Variants in IQCM observed in about 807,000 individuals in gnomAD.
IQCM encodes IQ motif containing M.
IQCM carries 45 observed loss-of-function variants against 57.6 expected under a neutral mutation model. That is an observed-to-expected ratio of 0.78 (90% CI 0.62 to 1.00). The LOEUF (loss-of-function observed/expected upper bound fraction) is 1.00. IQCM is among the 50% of genes least tolerant of loss of function. IQCM has a pLI of 0.00. For missense variants in IQCM, 468 were observed against 511.6 expected, an observed-to-expected ratio of 0.91 and a Z score of 0.82; for synonymous variants, 148 against 158.9, an observed-to-expected ratio of 0.93 and a Z score of 0.51.
chr4:149,591,033 A>G (rs1471436741), intron 8 of IQCM, among the ~76,000 whole-genome samples: 2 of 152,090 alleles, frequency 1.3e-5, no homozygotes, highest in African/African-American at 4.8e-5. Flanking sequence ...TAAGTCATTT[A>G]TTAAACTCCC....
intron 13 of IQCM, among the ~76,000 whole-genome samples, chr4:149,357,606 T>C (rs1299504674): frequency 1.3e-5 from 2 of 152,208 alleles, no homozygotes; most frequent in Admixed American, 6.5e-5. Flanking sequence ...CACTTGGTTA[T>C]GGTGGATAAG....
intron 2 of IQCM, among the ~76,000 whole-genome samples, chr4:149,767,045 G>C (rs1190476688): frequency 1.3e-5 from 2 of 151,766 alleles, no homozygotes; most frequent in Admixed American, 1.3e-4. Flanking sequence ...TGTTTAAAAG[G>C]ATCATATTTT....
chr4:149,682,614 G>A (rs768774728), intron 6 of IQCM, among the ~76,000 whole-genome samples: 14 of 111,214 alleles, frequency 1.3e-4, no homozygotes, highest in Admixed American at 1.2e-3. Context: ...TTTGGAAAAT[G>A]TGAGTAAGAA....
At chr4:149,462,010 CT>C (rs1166695656) in intron 12 of IQCM, among the ~76,000 whole-genome samples, 2 of 152,016 alleles carry the variant, frequency 1.3e-5, no homozygotes, top group East Asian at 3.9e-4. Flanking sequence ...AAATCAGGTG[CT>C]TTTACAGGCT....
At chr4:149,644,694 A>T (rs1758491783) in intron 7 of IQCM, among the ~76,000 whole-genome samples, 1 of 152,196 alleles carries the variant, frequency 6.6e-6, no homozygotes, top group South Asian at 2.1e-4. Flanking sequence ...GGGCTGTGTT[A>T]GTGTGGTCCA....
At chr4:149,487,953 C>T (rs1293613344) in intron 12 of IQCM, among the ~76,000 whole-genome samples, 1 of 151,996 alleles carries the variant, frequency 6.6e-6, no homozygotes. Flanking sequence ...TTTCTGTATG[C>T]AGATACTTGT....
chr4:149,359,504 A>G (rs971761018), intron 13 of IQCM, among the ~76,000 whole-genome samples: 6 of 152,198 alleles, frequency 3.9e-5, no homozygotes, highest in Non-Finnish European at 8.8e-5. Context: ...TTTTTATTGT[A>G]GATAATTAGG....
chr4:149,477,006 C>T (rs1254722491), intron 12 of IQCM, among the ~76,000 whole-genome samples: 1 of 152,174 alleles, frequency 6.6e-6, no homozygotes, highest in Non-Finnish European at 1.5e-5. Flanking sequence ...GGGAAGGCAT[C>T]TGGCTACATA....
intron 5 of IQCM, among the ~76,000 whole-genome samples, chr4:149,690,206 A>G (rs1291787429): frequency 1.3e-5 from 2 of 152,150 alleles, no homozygotes; most frequent in African/African-American, 4.8e-5. Context: ...TGGTGTATGC[A>G]TGTATATACA....
intron 12 of IQCM, among the ~76,000 whole-genome samples, chr4:149,491,198 T>G (rs945817730): frequency 2.0e-5 from 3 of 152,072 alleles, no homozygotes; most frequent in Admixed American, 6.6e-5. Flanking sequence ...GTACATATTG[T>G]GTATGTGTTG....
At chr4:149,646,494 C>A (rs1758648465) in intron 7 of IQCM, among the ~76,000 whole-genome samples, 1 of 151,794 alleles carries the variant, frequency 6.6e-6, no homozygotes, top group East Asian at 1.9e-4. Context: ...TATAATATCA[C>A]CTTTTACATT....
chr4:149,359,014 C>T (rs923780798), intron 13 of IQCM, among the ~76,000 whole-genome samples: 27 of 146,366 alleles, frequency 1.8e-4, no homozygotes, highest in African/African-American at 7.2e-4. Context: ...ATGAAAAAAC[C>T]TAAAGAAGGG....
chr4:149,498,254 GT>G (rs1742874309), intron 12 of IQCM, among the ~76,000 whole-genome samples: 1 of 152,102 alleles, frequency 6.6e-6, no homozygotes, highest in East Asian at 1.9e-4. Flanking sequence ...GCAAAAATGG[GT>G]AAGGTTGCAA....
At chr4:149,616,730 G>A (rs1755822962) in intron 8 of IQCM, among the ~76,000 whole-genome samples, 1 of 152,030 alleles carries the variant, frequency 6.6e-6, no homozygotes, top group Non-Finnish European at 1.5e-5. Context: ...GGCATGTTGG[G>A]CGGCAGCGGG....
intron 12 of IQCM, among the ~76,000 whole-genome samples, chr4:149,463,204 G>A (rs1391476962): frequency 3.3e-5 from 5 of 152,132 alleles, no homozygotes; most frequent in African/African-American, 1.2e-4. Flanking sequence ...TTGTCAAGTC[G>A]TGAAGACAAA....
intron 5 of IQCM, among the ~76,000 whole-genome samples, chr4:149,703,899 C>T (rs1001730413): frequency 6.6e-6 from 1 of 151,796 alleles, no homozygotes; most frequent in African/African-American, 2.4e-5. Context: ...CTCTAGAACC[C>T]TTTCACTATT....
intron 5 of IQCM, among the ~76,000 whole-genome samples, chr4:149,704,857 C>T (rs999175904): frequency 1.3e-5 from 2 of 151,796 alleles, no homozygotes; most frequent in Admixed American, 1.3e-4. Context: ...TTCAGTCCAT[C>T]AAGTAGTCAA....
chr4:149,526,488 A>G (rs1355379597), intron 12 of IQCM, among the ~76,000 whole-genome samples: 3 of 152,092 alleles, frequency 2.0e-5, no homozygotes, highest in African/African-American at 4.8e-5. Context: ...TTTCACTGTG[A>G]AAAATTTCAA....
At chr4:149,579,465 GT>G (rs527238911) in intron 9 of IQCM, among the ~76,000 whole-genome samples, 30 of 151,900 alleles carry the variant, frequency 2.0e-4, no homozygotes, top group Admixed American at 1.8e-3. Context: ...TCAGAGCAGT[GT>G]TTTTTTCCAT....
Sources: gnomAD v4.1 joint callset for allele counts (sites outside exome capture counted in the v4.1 genomes callset) on GRCh38, gnomAD v4.1.1 for gene constraint, MANE v1.5 for transcripts, NCBI Gene and HGNC (gene_info 2026-07-23, HGNC 2026-07-21) for gene names.